The following R3HDM2 variants were observed in gnomAD, a reference collection of about 807,000 sequenced individuals.
R3HDM2 encodes the protein R3H domain-containing protein 2.
R3HDM2 carries 38 observed loss-of-function variants against 124.5 expected under a neutral mutation model. The observed-to-expected ratio is 0.31, with a 90% CI of 0.24 to 0.40. The LOEUF is 0.40. Ranked by LOEUF, R3HDM2 falls within the 10% of genes least tolerant of loss-of-function variation. The pLI, the probability that R3HDM2 is intolerant of heterozygous loss-of-function variation, is 1.00. For missense variants in R3HDM2, 869 were observed against 1,236.9 expected (o/e 0.70, Z 4.46); for synonymous variants, 391 against 448.0 (o/e 0.87, Z 1.61).
At chr12:57,256,939 C>G (rs1294887055) in intron 21 of R3HDM2, among the ~76,000 whole-genome samples, 1 of 152,038 alleles carries the variant, frequency 6.6e-6, no homozygotes, top group Non-Finnish European at 1.5e-5. Context: ...CTTCAGCCTC[C>G]CGAGTAGCTG....
At chr12:57,393,370 T>C (rs1266437956) in intron 2 of R3HDM2, among the ~76,000 whole-genome samples, 1 of 152,214 alleles carries the variant, frequency 6.6e-6, no homozygotes, top group South Asian at 2.1e-4. Context: ...TCCCAAGTGC[T>C]GGGATTACAG....
chr12:57,256,816 A>ATCTCTC (rs10649122), intron 21 of R3HDM2, among the ~76,000 whole-genome samples: 1 of 147,196 alleles, frequency 6.8e-6, no homozygotes, highest in African/African-American at 2.5e-5. Flanking sequence ...AATGTCTTTT[A>ATCTCTC]TCTCTCTTTT....
chr12:57,360,600 C>T (rs1410068435), intron 2 of R3HDM2, among the ~76,000 whole-genome samples: 1 of 143,542 alleles, frequency 7.0e-6, no homozygotes, highest in Non-Finnish European at 1.5e-5. Flanking sequence ...CCAGCCTGAG[C>T]AACAGAGACT....
At chr12:57,349,537 G>A (rs1178985946) in intron 2 of R3HDM2, among the ~76,000 whole-genome samples, 1 of 150,840 alleles carries the variant, frequency 6.6e-6, no homozygotes, top group East Asian at 1.9e-4. Flanking sequence ...CTACATCTAA[G>A]TACATGGTTT....
At position 57,390,013 on chromosome 12, in the gene R3HDM2, G is replaced by A. The variant is rs1039255549; in HGVS notation, c.-36+5736C>T. Among the ~76,000 whole-genome samples the A allele has an allele frequency of 1.3e-4, 20 of 151,942 alleles. 1 individual carries two copies. Among genetic ancestry groups the A allele is most frequent in the Admixed American group, 1.1e-3 (16 of 15,228 alleles). On this transcript the variant is annotated intron_variant, in intron 2 of 23. Transcript: ENST00000402412. ...TTTGTCTGAGCTCTATTTGGCTGCCGTTCCCTTTTCAAGAATTCGAGAAAC... is the reference window on the plus strand; with the variant it reads ...TTTGTCTGAGCTCTATTTGGCTGCCATTCCCTTTTCAAGAATTCGAGAAAC...
chr12:57,405,004 T>C (rs949160095), intron 1 of R3HDM2, among the ~76,000 whole-genome samples: 3 of 152,118 alleles, frequency 2.0e-5, no homozygotes, highest in Non-Finnish European at 2.9e-5. Flanking sequence ...AGAATTTTCA[T>C]CTTTTACATT....
intron 14 of R3HDM2, among the ~76,000 whole-genome samples, chr12:57,271,387 T>C (rs1297847154): frequency 1.3e-5 from 2 of 152,176 alleles, no homozygotes; most frequent in East Asian, 1.9e-4. Context: ...CATATGGTGA[T>C]AGGTTAGAGT....
intron 19 of R3HDM2, among the ~76,000 whole-genome samples, chr12:57,264,813 T>G (rs1298971710): frequency 1.3e-5 from 2 of 152,050 alleles, no homozygotes. Context: ...ATTTTTAAAT[T>G]TTTTGTAGAG....
At chr12:57,403,074 G>A (rs1454731133) in intron 1 of R3HDM2, among the ~76,000 whole-genome samples, 2 of 152,044 alleles carry the variant, frequency 1.3e-5, no homozygotes, top group African/African-American at 4.8e-5. Flanking sequence ...AGCAAGATGG[G>A]GCCAGGCACG....
At chr12:57,346,096 G>A (rs960846927) in intron 2 of R3HDM2, among the ~76,000 whole-genome samples, 1 of 150,672 alleles carries the variant, frequency 6.6e-6, no homozygotes, top group Non-Finnish European at 1.5e-5. Context: ...GGTAGAGGTT[G>A]CAGTGAGCCA....
At chr12:57,399,793 T>G (rs1462491219) in intron 1 of R3HDM2, among the ~76,000 whole-genome samples, 1 of 152,142 alleles carries the variant, frequency 6.6e-6, no homozygotes, top group African/African-American at 2.4e-5. Flanking sequence ...CCCTGAAAGT[T>G]TTTAAAGTAA....
At chr12:57,346,935 T>C (rs541363622) in intron 2 of R3HDM2, among the ~76,000 whole-genome samples, 1 of 152,196 alleles carries the variant, frequency 6.6e-6, no homozygotes, top group Admixed American at 6.5e-5. Flanking sequence ...TGGTAAAATA[T>C]CAATTCTAAA....
Position 57,280,436 on chromosome 12 carries a change from C to T in R3HDM2, c.1266G>A (p.Gln422=), listed in dbSNP as rs772601111. ...GAGCAGGAAGTTGCTGCTGCTGCTG[C>T]TGCTGTTGCTGCTGGGCAGTACAAG... The part of the protein sequence containing the change: ...LLPCTAQQQQ[Q]QQQQQLPALP... The change falls in exon 14 of 24, where the codon CAG becomes CAA. Residue 422 remains glutamine (Q), a synonymous_variant. Transcript: ENST00000402412. The T allele has an allele frequency of 1.9e-6, 3 of 1,613,900 alleles. No homozygotes were observed. The highest frequency in any genetic ancestry group is 1.7e-5 in the Admixed American group (1 of 59,992).
intron 2 of R3HDM2, among the ~76,000 whole-genome samples, chr12:57,312,305 ATTTTTTT>A (rs201583405): frequency 7.5e-6 from 1 of 133,104 alleles, no homozygotes. Context: ...CTGCTTTGTG[ATTTTTTT>A]TTTTTTTTTT....
intron 2 of R3HDM2, among the ~76,000 whole-genome samples, 173 bp downstream of exon 2, chr12:57,395,576 G>A (rs68147365): frequency 0.21 from 31,441 of 151,884 alleles, 3,528 homozygotes; most frequent in Admixed American, 0.28. Flanking sequence ...CACCTCGCCT[G>A]GCACTGAACT....
intron 2 of R3HDM2, among the ~76,000 whole-genome samples, chr12:57,369,561 T>C (rs2063071802): frequency 1.3e-5 from 2 of 152,220 alleles, no homozygotes; most frequent in Admixed American, 1.3e-4. Context: ...GTTTGTGTCA[T>C]TTTAGTCTCC....
chr12:57,255,747 TAA>T (rs1188224589), intron 23 of R3HDM2, among the ~76,000 whole-genome samples: 1 of 152,212 alleles, frequency 6.6e-6, no homozygotes, highest in Non-Finnish European at 1.5e-5. Context: ...TCTTTGTTAA[TAA>T]GAGGCAACTC....
chr12:57,424,114 CAAAAAAAAAA>C (rs35579430), intron 1 of R3HDM2, among the ~76,000 whole-genome samples: 26 of 63,874 alleles, frequency 4.1e-4, no homozygotes, highest in African/African-American at 1.4e-3. Flanking sequence ...AACTCTGTCT[CAAAAAAAAAA>C]AAAAAAAAAA....
At chr12:57,409,336 C>A (rs1450564854) in intron 1 of R3HDM2, among the ~76,000 whole-genome samples, 4 of 151,998 alleles carry the variant, frequency 2.6e-5, no homozygotes, top group African/African-American at 9.7e-5. Flanking sequence ...CAGTCTCTAG[C>A]CACTTAAGGC....
Sources: allele counts gnomAD v4.1 joint callset (sites outside exome capture counted in the v4.1 genomes callset), GRCh38; gene constraint gnomAD v4.1.1; transcripts MANE v1.5; gene names NCBI Gene and HGNC (gene_info 2026-07-23, HGNC 2026-07-21).